Variants in UIMC1 observed in about 807,000 individuals in gnomAD.
UIMC1 encodes the protein ubiquitin interaction motif containing 1.
UIMC1 carries 42 observed loss-of-function variants against 84.9 expected under a neutral mutation model. The observed-to-expected ratio is 0.49, with a 90% CI of 0.39 to 0.64. The LOEUF is 0.64. Among genes scored for constraint, UIMC1 ranks in the 30% least tolerant of loss-of-function variants. UIMC1 has a pLI of 0.00. For synonymous variants in UIMC1, 281 were observed against 293.0 expected (o/e 0.96, Z 0.42); for missense variants, 825 against 847.6 (o/e 0.97, Z 0.33).
At chr5:176,983,999 C>T (rs1347125291) in intron 1 of UIMC1, among the ~76,000 whole-genome samples, 1 of 147,596 alleles carries the variant, frequency 6.8e-6, no homozygotes, top group Non-Finnish European at 1.5e-5. Flanking sequence ...TCTGCCCGGC[C>T]GCCCCGTCTG....
In UIMC1 at chr5:176,905,193, C is replaced by T; in HGVS notation, c.*89G>A. ...GTGAAAACTGCAGGGCTAAAACTTG[C>T]TCAACAATGAACTAGGGACCACTAT... On this transcript the variant is annotated 3_prime_UTR_variant, in exon 15 of 15. Transcript: ENST00000511320. 7.0e-7 allele frequency: 1 copy of T among 1,425,138 alleles called. No homozygotes were observed. 88.3% of individuals were successfully genotyped at this position (1,425,138 alleles called of 1,614,324 possible).
intron 1 of UIMC1, among the ~76,000 whole-genome samples, chr5:176,984,075 C>T (rs1472638353): frequency 3.0e-5 from 4 of 132,956 alleles, no homozygotes; most frequent in Non-Finnish European, 3.2e-5. Flanking sequence ...TGCCCGGCCG[C>T]CCCGTCTGGG....
intron 1 of UIMC1, among the ~76,000 whole-genome samples, chr5:176,989,750 T>C (rs1255848374): frequency 1.3e-5 from 2 of 152,204 alleles, no homozygotes; most frequent in African/African-American, 4.8e-5. Flanking sequence ...CTAGTTATTA[T>C]TTAAGTATAC....
intron 11 of UIMC1, among the ~76,000 whole-genome samples, chr5:176,909,628 T>G (rs752384166): frequency 1.3e-5 from 2 of 152,224 alleles, no homozygotes; most frequent in African/African-American, 4.8e-5. Context: ...CAAGGGAGAC[T>G]TGGATTAGCT....
chr5:176,953,376 G>A (rs1766142701), intron 8 of UIMC1, among the ~76,000 whole-genome samples: 1 of 151,994 alleles, frequency 6.6e-6, no homozygotes, highest in South Asian at 2.1e-4. Context: ...CCAATGTCAG[G>A]CAAATAGGGC....
chr5:176,998,300 C>T (rs2149533364), intron 1 of UIMC1, among the ~76,000 whole-genome samples: 1 of 151,712 alleles, frequency 6.6e-6, no homozygotes, highest in South Asian at 2.1e-4. Flanking sequence ...CCCATCTCTA[C>T]TAAAAATACA....
At chr5:176,915,563 C>A (rs1170345454) in intron 10 of UIMC1, among the ~76,000 whole-genome samples, 1 of 151,114 alleles carries the variant, frequency 6.6e-6, no homozygotes, top group Non-Finnish European at 1.5e-5. Flanking sequence ...TCAAGCAATT[C>A]TCCTGCCTCA....
At chr5:176,911,066 G>A (rs1760084484) in intron 11 of UIMC1, among the ~76,000 whole-genome samples, 2 of 147,300 alleles carry the variant, frequency 1.4e-5, no homozygotes, top group African/African-American at 5.0e-5. Flanking sequence ...TCCAGCCTGG[G>A]CAAGAAGAGT....
At chr5:176,981,984 G>C (rs959500957) in intron 2 of UIMC1, among the ~76,000 whole-genome samples, 1 of 152,182 alleles carries the variant, frequency 6.6e-6, no homozygotes, top group African/African-American at 2.4e-5. Context: ...ATGTTGTATA[G>C]CTCTGCTGTC....
chr5:176,925,901 C>G (rs1423132652), intron 10 of UIMC1, among the ~76,000 whole-genome samples: 1 of 152,096 alleles, frequency 6.6e-6, no homozygotes, highest in African/African-American at 2.4e-5. Flanking sequence ...GAACTTGGTT[C>G]ATGATTTGCA....
chr5:176,978,580 A>T (rs1426746443), intron 2 of UIMC1, among the ~76,000 whole-genome samples: 1 of 152,104 alleles, frequency 6.6e-6, no homozygotes, highest in Non-Finnish European at 1.5e-5. Flanking sequence ...AAAAAACTTT[A>T]TAAAGCCAAT....
chr5:176,978,303 G>A (rs1770467620), intron 2 of UIMC1, among the ~76,000 whole-genome samples: 1 of 152,016 alleles, frequency 6.6e-6, no homozygotes, highest in Admixed American at 6.5e-5. Context: ...AACCCAGGAG[G>A]CGGAGCTTGC....
chr5:176,926,396 G>A (rs1388042513), intron 10 of UIMC1, among the ~76,000 whole-genome samples: 3 of 152,064 alleles, frequency 2.0e-5, no homozygotes, highest in Non-Finnish European at 4.4e-5. Flanking sequence ...CACTTGGGGA[G>A]GCCAAGAGAG....
intron 1 of UIMC1, among the ~76,000 whole-genome samples, chr5:177,004,016 G>T (rs1297538015): frequency 6.6e-6 from 1 of 152,122 alleles, no homozygotes; most frequent in Non-Finnish European, 1.5e-5. Flanking sequence ...TTTTTGTAGA[G>T]ACTGGGTTTC....
intron 10 of UIMC1, among the ~76,000 whole-genome samples, chr5:176,921,283 C>T (rs927143127): frequency 1.3e-5 from 2 of 152,150 alleles, no homozygotes; most frequent in East Asian, 1.9e-4. Flanking sequence ...TGAATCTGAA[C>T]GCTTCTTGCT....
At chr5:176,969,549 T>C in intron 5 of UIMC1, 52 bp downstream of exon 5, 1 of 1,563,012 alleles carries the variant, frequency 6.4e-7, no homozygotes, top group Non-Finnish European at 8.8e-7. Context: ...ATGAGATCCC[T>C]GTGGTACAGT....
intron 1 of UIMC1, among the ~76,000 whole-genome samples, chr5:177,001,249 T>C (rs1174356589): frequency 6.6e-6 from 1 of 152,228 alleles, no homozygotes; most frequent in Non-Finnish European, 1.5e-5. Context: ...TTCTAAGCAC[T>C]ATCTATTGAA....
chr5:176,970,566 T>C (rs1046668473), intron 4 of UIMC1, 176 bp downstream of exon 4: 1 of 973,250 alleles, frequency 1.0e-6, no homozygotes, highest in South Asian at 1.4e-5. Context: ...AACAAAATAC[T>C]TTAAATTGGG....
At chr5:177,022,579 C>T (rs1326498412) in exon 1 of UIMC1, 2 of 712,564 alleles carry the variant, frequency 2.8e-6, no homozygotes, top group Non-Finnish European at 4.3e-6. Flanking sequence ...TCTGAGGTAC[C>T]AGAGGTAGCA....
Sources: allele counts gnomAD v4.1 joint callset (sites outside exome capture counted in the v4.1 genomes callset), GRCh38; gene constraint gnomAD v4.1.1; transcripts MANE v1.5; gene names NCBI Gene and HGNC (gene_info 2026-07-23, HGNC 2026-07-21).